The following DENND1A variants were observed in gnomAD, a reference collection of about 807,000 sequenced individuals.
DENND1A encodes DENN domain containing 1A, also known as DENN domain-containing protein 1A.
A neutral mutation model predicts 113.7 loss-of-function variants in DENND1A; 51 were observed. The ratio of observed to expected loss-of-function variants is 0.45; its 90% CI spans 0.36 to 0.57. The LOEUF (loss-of-function observed/expected upper bound fraction) is 0.57, where lower values mean the gene tolerates loss of function less well. Ranked by LOEUF, DENND1A falls within the 20% of genes least tolerant of loss-of-function variation. DENND1A has a pLI of 0.00. For synonymous variants in DENND1A, 565 were observed against 570.8 expected (o/e 0.99, Z 0.14); for missense variants, 1,258 against 1,395.9 (o/e 0.90, Z 1.57).
chr9:123,872,135 C>A (rs601965), intron 2 of DENND1A, among the ~76,000 whole-genome samples: 44,180 of 151,670 alleles, frequency 0.29, 10,290 homozygotes, highest in African/African-American at 0.65. Flanking sequence ...GTTCTTAAAC[C>A]AATACACCAA....
At chr9:123,795,691 G>A (rs1833661824) in intron 2 of DENND1A, among the ~76,000 whole-genome samples, 2 of 152,190 alleles carry the variant, frequency 1.3e-5, no homozygotes, top group South Asian at 4.1e-4. Context: ...CTGGAAAACT[G>A]TGCATCGGTC....
chr9:123,747,829 C>T (rs1158636738), intron 5 of DENND1A, among the ~76,000 whole-genome samples: 2 of 152,038 alleles, frequency 1.3e-5, no homozygotes, highest in Non-Finnish European at 2.9e-5. Flanking sequence ...AATACGGAAA[C>T]GTAAACTCAA....
At chr9:123,415,292 C>T (rs956698264) in intron 19 of DENND1A, among the ~76,000 whole-genome samples, 5 of 152,254 alleles carry the variant, frequency 3.3e-5, no homozygotes, top group Non-Finnish European at 4.4e-5. Flanking sequence ...AGAGGAAACA[C>T]ACAGGGACGG....
intron 22 of DENND1A, among the ~76,000 whole-genome samples, chr9:123,385,115 G>T (rs1054320504): frequency 5.9e-5 from 9 of 152,196 alleles, no homozygotes; most frequent in African/African-American, 2.2e-4. Flanking sequence ...CAGCGCCTGG[G>T]TCAACCCTTA....
intron 13 of DENND1A, among the ~76,000 whole-genome samples, chr9:123,460,651 CGCTCACCCCCG>C (rs1215521895): frequency 2.0e-5 from 3 of 152,218 alleles, no homozygotes; most frequent in Non-Finnish European, 2.9e-5. Context: ...AATTGTCTCA[CGCTCACCCCCG>C]GCTCTCCATC....
At chr9:123,611,259 TA>T (rs917522434) in intron 10 of DENND1A, among the ~76,000 whole-genome samples, 18 of 152,316 alleles carry the variant, frequency 1.2e-4, no homozygotes, top group Middle Eastern at 3.4e-3. Context: ...TGCCCTGTGA[TA>T]TTTTTTTTCC....
chr9:123,902,492 C>T (rs1851838485), intron 1 of DENND1A, among the ~76,000 whole-genome samples: 1 of 152,108 alleles, frequency 6.6e-6, no homozygotes, highest in African/African-American at 2.4e-5. Context: ...GGGGATCTGA[C>T]CATCACTCGC....
chr9:123,539,788 C>T lies in DENND1A; in HGVS notation c.993+17782G>A, dbSNP rs554436235. Among the ~76,000 whole-genome samples the T allele has an allele frequency of 3.3e-5, 5 of 150,402 alleles. No homozygotes were observed. In the East Asian group the frequency reaches 7.9e-4, roughly 24 times the overall value. ...GTCCCAGCTACTCAGGAGGCTGAGG[C>T]AGGAGAACGGCGTGAACCCGGGAGG... On this transcript the variant is annotated intron_variant, in intron 13 of 23. Transcript: ENST00000394215.
intron 12 of DENND1A, among the ~76,000 whole-genome samples, chr9:123,567,241 G>C (rs2058105533): frequency 6.6e-6 from 1 of 152,176 alleles, no homozygotes; most frequent in African/African-American, 2.4e-5. Context: ...TAATGAAATG[G>C]TTCAGTAAAG....
At chr9:123,767,007 A>G (rs527268628) in intron 4 of DENND1A, among the ~76,000 whole-genome samples, 1 of 152,234 alleles carries the variant, frequency 6.6e-6, no homozygotes, top group African/African-American at 2.4e-5. Context: ...GAACGCAATC[A>G]CCTGGGGCAT....
At chr9:123,416,679 G>C (rs2131655589) in intron 19 of DENND1A, among the ~76,000 whole-genome samples, 1 of 152,348 alleles carries the variant, frequency 6.6e-6, no homozygotes, top group East Asian at 1.9e-4. Context: ...CAGGGCAGGA[G>C]GGGAGAGAGG....
intron 13 of DENND1A, among the ~76,000 whole-genome samples, chr9:123,530,112 T>C (rs972740555): frequency 6.6e-6 from 1 of 152,208 alleles, no homozygotes; most frequent in Non-Finnish European, 1.5e-5. Context: ...CATGTTTATA[T>C]AGGAGTTTCC....
intron 13 of DENND1A, among the ~76,000 whole-genome samples, chr9:123,553,893 G>A (rs2135959360): frequency 6.6e-6 from 1 of 152,282 alleles, no homozygotes; most frequent in South Asian, 2.1e-4. Context: ...GAGTAGCTGG[G>A]ACTACAGGTG....
At chr9:123,704,786 G>A (rs2066085933) in intron 5 of DENND1A, among the ~76,000 whole-genome samples, 1 of 152,060 alleles carries the variant, frequency 6.6e-6, no homozygotes, top group Non-Finnish European at 1.5e-5. Flanking sequence ...ATCTATAAAA[G>A]AACCAAATGG....
chr9:123,383,952 C>T, intron 22 of DENND1A, 39 bp from the exon 23 acceptor site: 1 of 1,582,506 alleles, frequency 6.3e-7, no homozygotes, highest in Non-Finnish European at 8.6e-7. Context: ...CCCACCCAGG[C>T]CTTCAGGGGA....
intron 13 of DENND1A, among the ~76,000 whole-genome samples, chr9:123,504,531 T>C (rs547776752): frequency 6.6e-6 from 1 of 152,210 alleles, no homozygotes; most frequent in Non-Finnish European, 1.5e-5. Flanking sequence ...AGTTAAAAAA[T>C]TTTTCATTTC....
intron 5 of DENND1A, among the ~76,000 whole-genome samples, chr9:123,741,432 T>C (rs544244038): frequency 6.1e-4 from 93 of 152,346 alleles, no homozygotes; most frequent in African/African-American, 2.0e-3. Flanking sequence ...CTACTTCCTC[T>C]TTTTAGCCTG....
chr9:123,802,083 C>A (rs1039526781), intron 2 of DENND1A, among the ~76,000 whole-genome samples: 5 of 152,314 alleles, frequency 3.3e-5, no homozygotes, highest in East Asian at 1.9e-4. Flanking sequence ...GGCACACTCA[C>A]GTCTATGGCT....
intron 2 of DENND1A, among the ~76,000 whole-genome samples, chr9:123,810,238 C>T (rs984364035): frequency 1.3e-5 from 2 of 152,096 alleles, no homozygotes; most frequent in African/African-American, 4.8e-5. Flanking sequence ...TGTTGGCCAT[C>T]ATGTCTCTCT....
Sources: gnomAD v4.1 joint callset for allele counts (sites outside exome capture counted in the v4.1 genomes callset) on GRCh38, gnomAD v4.1.1 for gene constraint, MANE v1.5 for transcripts, NCBI Gene and HGNC (gene_info 2026-07-23, HGNC 2026-07-21) for gene names.